The following MID1IP1 variants were observed in gnomAD, a reference collection of about 807,000 sequenced individuals.
MID1IP1 encodes mid1-interacting protein 1.
A neutral mutation model predicts 6.8 loss-of-function variants in MID1IP1; 3 were observed. That is an observed-to-expected ratio of 0.44 (90% confidence interval 0.20 to 1.14). The LOEUF (loss-of-function observed/expected upper bound fraction) is 1.14. MID1IP1 is among the 50% of genes most tolerant of loss of function. The pLI is 0.26. For missense variants in MID1IP1, 127 were observed against 158.4 expected (o/e 0.80, Z 1.06); for synonymous variants, 87 against 70.4 (o/e 1.24, Z -1.18).
chrX:38,804,654 C>G (rs772753755), intron 2 of MID1IP1, 29 bp from the exon 3 acceptor site: 1 of 290,889 alleles, frequency 3.4e-6, no homozygotes, highest in Non-Finnish European at 6.1e-6. Flanking sequence ...ATAATCTAAT[C>G]TGTTCTTTCG....
chrX:38,804,643 A>T (rs1043039323), intron 2 of MID1IP1, 40 bp from the exon 3 acceptor site: 6 of 256,351 alleles, frequency 2.3e-5, no homozygotes, highest in Non-Finnish European at 4.2e-5. Context: ...TAGCAGGGTG[A>T]ATAATCTAAT....
At position 38,804,669 on chromosome X, in the gene MID1IP1, C is replaced by G. The variant is rs1473662337; in HGVS notation, c.-264-14C>G. On this transcript the variant is annotated splice_polypyrimidine_tract_variant and intron_variant, in intron 2 of 2. Transcript: ENST00000614558. ...ATAATCTAATCTGTTCTTTCGTCTC[C>G]GTGTATCAAACAGGCCAGGGCTCGA... 6.3e-6 allele frequency: 2 copies of G among 319,639 alleles called. No individual in the cohort carries two copies. Among genetic ancestry groups the G allele is most frequent in the Non-Finnish European group, 5.5e-6 (1 of 182,609 alleles). The allele number at this position is 319,639 out of a possible 1,213,427, so 26.3% of individuals were successfully genotyped here.
chrX:38,805,228 C>G lies in MID1IP1; in HGVS notation c.282C>G (p.Leu94=), dbSNP rs1016366799. The change falls in exon 3 of 3, where the codon CTC becomes CTG. Residue 94 remains leucine, a synonymous_variant. Transcript: ENST00000614558. Reference sequence around the variant, plus strand: ...ACATGTACAGCCACTACGTGCTTCTCAAGTCCATCCGCAACGACATCGAGT... The same window carrying G: ...ACATGTACAGCCACTACGTGCTTCTGAAGTCCATCCGCAACGACATCGAGT... The part of the protein sequence containing the change: ...SRDMYSHYVL[L]KSIRNDIEWG... 4.8e-5 allele frequency: 58 copies of G among 1,201,853 alleles called. No homozygotes were observed. The highest frequency in any genetic ancestry group is 6.4e-5 in the Non-Finnish European group (57 of 890,475).
At chrX:38,802,364 C>T (rs1209795453) in intron 1 of MID1IP1, among the ~76,000 whole-genome samples, 171 bp from the exon 2 acceptor site, 3 of 112,199 alleles carry the variant, frequency 2.7e-5, no homozygotes, top group Non-Finnish European at 1.9e-5. Context: ...CTGTATTTTT[C>T]TTTCCATTGA....
rs1602159418 is a variant in MID1IP1, at chrX:38,805,625, A to C, written c.*127A>C. On this transcript the variant is annotated 3_prime_UTR_variant, in exon 3 of 3. Transcript: ENST00000614558. ...CAGACTGCAAACTGGGGGGCTGCGT[A>C]CGTGCAGGAGGCGCGGTGGGGCTGC... The C allele has an allele frequency of 1.6e-6, 1 of 626,180 alleles. No homozygotes were observed. The highest frequency in any genetic ancestry group is 2.4e-6 in the Non-Finnish European group (1 of 414,295). The allele number at this position is 626,180 out of a possible 1,213,427, so 51.6% of individuals were successfully genotyped here. A position where few individuals can be genotyped will look rare whatever the true frequency, so the allele number is the denominator to read the frequency against.
chrX:38,801,511 G>GA (rs1366443759), intron 1 of MID1IP1, 24 bp downstream of exon 1: 1 of 111,811 alleles, frequency 8.9e-6, no homozygotes, highest in African/African-American at 3.3e-5. Flanking sequence ...GGGTCTGGGG[G>GA]AGCTGGGAGG....
Position 38,804,574 on chromosome X carries a change from G to C in MID1IP1, c.-264-109G>C, listed in dbSNP as rs1393668887. The C allele has an allele frequency of 3.4e-5, 5 of 146,378 alleles. No individual in the cohort carries two copies. In the Admixed American group the frequency reaches 4.2e-4, roughly 12 times the overall value. The allele number at this position is 146,378 out of a possible 1,213,427, so 12.1% of individuals were successfully genotyped here. A position where few individuals can be genotyped will look rare whatever the true frequency, so the allele number is the denominator to read the frequency against. ...AGCCGCGGGGAGCCACCCAGGCGCC[G>C]TCCCGGACGAGCTGTAGCCAGAGAA... is the stretch of plus-strand genomic sequence containing the variant. On this transcript the variant is annotated intron_variant, in intron 2 of 2. Coordinates refer to ENST00000614558, the MANE Select transcript of MID1IP1 (RefSeq NM_021242.6).
At position 38,805,590 on chromosome X, in the gene MID1IP1, G is replaced by A. The variant is rs2070510085; in HGVS notation, c.*92G>A. On this transcript the variant is annotated 3_prime_UTR_variant, in exon 3 of 3. Coordinates refer to ENST00000614558, the MANE Select transcript of MID1IP1 (RefSeq NM_021242.6). Reference sequence around the variant, plus strand: ...TTTTTTTTTTTTTCCTGGCTGGGGGGCGGGAAGGGCAGACTGCAAACTGGG... The same window carrying A: ...TTTTTTTTTTTTTCCTGGCTGGGGGACGGGAAGGGCAGACTGCAAACTGGG... The A allele has an allele frequency of 1.1e-6, 1 of 896,838 alleles. No homozygotes were observed. Among genetic ancestry groups the A allele is most frequent in the Non-Finnish European group, 1.5e-6 (1 of 647,632 alleles). The allele number at this position is 896,838 out of a possible 1,213,427, so 73.9% of individuals were successfully genotyped here.
intron 1 of MID1IP1, among the ~76,000 whole-genome samples, chrX:38,802,212 TAATC>T (rs757762486): frequency 1.8e-3 from 198 of 112,721 alleles, no homozygotes; most frequent in Non-Finnish European, 3.1e-3. Flanking sequence ...TATTTAAACT[TAATC>T]AAAGTCCTTG....
In MID1IP1 at chrX:38,804,991, T is replaced by C; in HGVS notation, c.45T>C (p.Phe15=). 1 of 1,197,177 alleles carries C rather than the reference T, an allele frequency of 8.4e-7. No homozygotes were observed. Among genetic ancestry groups the C allele is most frequent in the Middle Eastern group, 2.3e-4 (1 of 4,293 alleles). The change falls in exon 3 of 3, where the codon TTT becomes TTC. Residue 15 remains phenylalanine, a synonymous_variant. Transcript: ENST00000614558. ...CCTACAACCAGAAGCACTCGCTCTT[T>C]AACGCCATGAATCGCTTCATTGGCG... ...CDTYNQKHSL[F]NAMNRFIGAV...
rs1468306863 is a variant in MID1IP1 at position 38,804,046 on chromosome X, C to T, written c.-632C>T. On this transcript the variant is annotated 5_prime_UTR_variant, in exon 2 of 3. Transcript: ENST00000614558. ...CCTCCTCTGCTCTGCCCTGCCCTGC[C>T]CTGGCCTGCCCCGGCGCCCTCCCTC... The T allele has an allele frequency of 8.8e-6, 1 of 114,126 alleles. No homozygotes were observed. Among genetic ancestry groups the T allele is most frequent in the Non-Finnish European group, 1.9e-5 (1 of 53,990 alleles). 9.4% of individuals were successfully genotyped at this position (114,126 alleles called of 1,213,427 possible).
rs1417549212 is a variant in MID1IP1, at chrX:38,802,752, T to G, written c.-1926T>G. The G allele has an allele frequency of 1.9e-5, 2 of 103,282 alleles. No individual in the cohort carries two copies. The highest frequency in any genetic ancestry group is 7.0e-5 in the African/African-American group (2 of 28,464). The allele number at this position is 103,282 out of a possible 1,213,427, so 8.5% of individuals were successfully genotyped here. A position where few individuals can be genotyped will look rare whatever the true frequency, so the allele number is the denominator to read the frequency against. On this transcript the variant is annotated 5_prime_UTR_variant, in exon 2 of 3. Coordinates refer to ENST00000614558, the MANE Select transcript of MID1IP1 (RefSeq NM_021242.6). ...TGTTAAGTTTTAGAGAAAAGGGATC[T>G]TTTTTTTTTTTATTTGAGACAGAGT... is the stretch of plus-strand genomic sequence containing the variant.
chrX:38,804,921 TGC>T lies in MID1IP1; in HGVS notation c.-23_-22del. 8.6e-7 allele frequency: 1 copy of T among 1,158,296 alleles called. No homozygotes were observed. Among genetic ancestry groups the T allele is most frequent in the Non-Finnish European group, 1.2e-6 (1 of 865,355 alleles). On this transcript the variant is annotated 5_prime_UTR_variant, in exon 3 of 3. Transcript: ENST00000614558. ...GACCATCCCCGTGCCCCTGCGTCCC[TGC>T]GCTCCAACGTCCGCGCGGCCACCAT...
Position 38,804,827 on chromosome X carries a change from C to T in MID1IP1, c.-120C>T. On this transcript the variant is annotated 5_prime_UTR_variant, in exon 3 of 3. Transcript: ENST00000614558. Reference sequence around the variant, plus strand: ...AGGAGTGCCGGGAATCCCGCCACACCGGCTATAGCCAGGCCCCCAGCGCGG... The same window carrying T: ...AGGAGTGCCGGGAATCCCGCCACACTGGCTATAGCCAGGCCCCCAGCGCGG... The T allele has an allele frequency of 1.4e-6, 1 of 735,834 alleles. No individual in the cohort carries two copies. Among genetic ancestry groups the T allele is most frequent in the Non-Finnish European group, 1.9e-6 (1 of 524,420 alleles). The allele number at this position is 735,834 out of a possible 1,213,427, so 60.6% of individuals were successfully genotyped here. A position where few individuals can be genotyped will look rare whatever the true frequency, so the allele number is the denominator to read the frequency against.
rs1297422703 is a variant in MID1IP1 at position 38,806,178 on chromosome X, T to G, written c.*680T>G. ...CCTATGGCACCCCCACCCCATCCCT[T>G]TCGTGCCACTCCCGTCCCCACCCCC... On this transcript the variant is annotated 3_prime_UTR_variant, in exon 3 of 3. Transcript: ENST00000614558. The G allele has an allele frequency of 1.7e-5, 2 of 118,646 alleles. No homozygotes were observed. Among genetic ancestry groups the G allele is most frequent in the African/African-American group, 6.8e-5 (2 of 29,325 alleles). 9.8% of individuals were successfully genotyped at this position (118,646 alleles called of 1,213,427 possible).
Position 38,805,681 on chromosome X carries a change from G to A in MID1IP1, c.*183G>A. ...GGAGGGGGCCACGTGTGAGAGAGAA[G>A]AAAATGGTGGCCGGAGATGGGAGGG... On this transcript the variant is annotated 3_prime_UTR_variant, in exon 3 of 3. Transcript: ENST00000614558. The A allele has an allele frequency of 2.1e-6, 1 of 473,814 alleles. No homozygotes were observed. The highest frequency in any genetic ancestry group is 3.7e-6 in the Non-Finnish European group (1 of 271,947). The allele number at this position is 473,814 out of a possible 1,213,427, so 39.0% of individuals were successfully genotyped here.
chrX:38,803,892 C>T lies in MID1IP1; in HGVS notation c.-786C>T, dbSNP rs2070482758. 8.8e-6 allele frequency: 1 copy of T among 113,689 alleles called. No individual in the cohort carries two copies. Among genetic ancestry groups the T allele is most frequent in the Admixed American group, 9.2e-5 (1 of 10,900 alleles). The allele number at this position is 113,689 out of a possible 1,213,427, so 9.4% of individuals were successfully genotyped here. ...GGAGCGCGCGCAAGGCCCGCCCAGC[C>T]CCCACATGCCAGCCCCACCCTCCAG... On this transcript the variant is annotated 5_prime_UTR_variant, in exon 2 of 3. Coordinates refer to ENST00000614558, the MANE Select transcript of MID1IP1 (RefSeq NM_021242.6).
Position 38,805,639 on chromosome X carries a change from C to A in MID1IP1, c.*141C>A. On this transcript the variant is annotated 3_prime_UTR_variant, in exon 3 of 3. Transcript: ENST00000614558. ...GGGGGCTGCGTACGTGCAGGAGGCG[C>A]GGTGGGGCTGCGTGGAGGAGGGGGC... 2.0e-6 allele frequency: 1 copy of A among 496,182 alleles called. No homozygotes were observed. The highest frequency in any genetic ancestry group is 3.2e-6 in the Non-Finnish European group (1 of 317,130). 40.9% of individuals were successfully genotyped at this position (496,182 alleles called of 1,213,427 possible).
chrX:38,804,771 C>T lies in MID1IP1; in HGVS notation c.-176C>T. ...AAGCCGCCCATCCCGCAGGGCCGGT[C>T]TGCCAGCGAGACGAGAGTTGGCGAG... On this transcript the variant is annotated 5_prime_UTR_variant, in exon 3 of 3. Transcript: ENST00000614558. The T allele has an allele frequency of 2.0e-6, 1 of 489,985 alleles. No homozygotes were observed. Among genetic ancestry groups the T allele is most frequent in the African/African-American group, 2.4e-5 (1 of 42,147 alleles). The allele number at this position is 489,985 out of a possible 1,213,427, so 40.4% of individuals were successfully genotyped here.
Sources: gnomAD v4.1 joint callset for allele counts (sites outside exome capture counted in the v4.1 genomes callset) on GRCh38, gnomAD v4.1.1 for gene constraint, MANE v1.5 for transcripts, NCBI Gene and HGNC (gene_info 2026-07-23, HGNC 2026-07-21) for gene names.